The following DIP2C variants were observed in gnomAD, a reference collection of about 807,000 sequenced individuals.
The protein encoded by DIP2C is disco-interacting protein 2 homolog C.
DIP2C carries 33 observed loss-of-function variants against 192.4 expected under a neutral mutation model. That is an observed-to-expected ratio of 0.17 (90% CI 0.13 to 0.23). The LOEUF is 0.23. Among genes scored for constraint, DIP2C ranks in the 10% least tolerant of loss-of-function variants. The pLI, the probability that DIP2C is intolerant of heterozygous loss-of-function variation, is 1.00. For synonymous variants in DIP2C, 979 were observed against 864.1 expected, an observed-to-expected ratio of 1.13 and a Z score of -2.33; for missense variants, 1,537 against 2,110.1, an observed-to-expected ratio of 0.73 and a Z score of 5.32.
At chr10:394,078 T>C (rs1451401438) in intron 10 of DIP2C, among the ~76,000 whole-genome samples, 1 of 152,246 alleles carries the variant, frequency 6.6e-6, no homozygotes, top group Non-Finnish European at 1.5e-5. Flanking sequence ...CCAAAGGAAC[T>C]GAAATTGATC....
At chr10:362,072 A>G (rs2132718670) in intron 22 of DIP2C, among the ~76,000 whole-genome samples, 1 of 151,796 alleles carries the variant, frequency 6.6e-6, no homozygotes, top group African/African-American at 2.4e-5. Flanking sequence ...GGGGGAAAAA[A>G]AAAAGAAATG....
At chr10:686,388 G>GTCAT in intron 1 of DIP2C, among the ~76,000 whole-genome samples, 1 of 148,070 alleles carries the variant, frequency 6.8e-6, no homozygotes, top group Admixed American at 6.7e-5. Flanking sequence ...CTCACCCGAG[G>GTCAT]GGCCTCCGCA....
At chr10:390,183 G>A in intron 12 of DIP2C, 81 bp downstream of exon 12, 1 of 1,584,968 alleles carries the variant, frequency 6.3e-7, no homozygotes, top group East Asian at 2.2e-5. Flanking sequence ...CCTGAATTTT[G>A]GCACTCGTGT....
At chr10:383,207 AT>A (rs1192621592) in intron 16 of DIP2C, among the ~76,000 whole-genome samples, 1 of 152,266 alleles carries the variant, frequency 6.6e-6, no homozygotes, top group African/African-American at 2.4e-5. Flanking sequence ...TTTTGTACTT[AT>A]GGGTTAAAAC....
At chr10:421,687 A>G (rs1966192423) in intron 5 of DIP2C, among the ~76,000 whole-genome samples, 1 of 152,204 alleles carries the variant, frequency 6.6e-6, no homozygotes, top group African/African-American at 2.4e-5. Flanking sequence ...TTTACAGAGT[A>G]TTTCTATTTT....
intron 1 of DIP2C, among the ~76,000 whole-genome samples, chr10:580,991 G>GAC (rs1312428265): frequency 2.6e-5 from 4 of 152,182 alleles, no homozygotes; most frequent in Non-Finnish European, 5.9e-5. Context: ...ATCGAGTTCT[G>GAC]ACAATTTGAC....
At position 689,556 on chromosome 10, in the gene DIP2C, C is replaced by T. The variant is rs761909966; in HGVS notation, c.23G>A (p.Gly8Asp). The change falls in exon 1 of 37, where the codon GGC becomes GAC. Residue 8 changes from glycine to aspartate, a missense_variant. Transcript: ENST00000280886. This position sits in a 1 kb window ranked among gnomAD's most constrained non-coding sequence, Gnocchi z 6.1. ...CCGCACCTCCAGGGGCAGCGCCATG[C>T]CCTCCAGGCTGCGGTCCGCCATGCT... is the stretch of plus-strand genomic sequence containing the variant. The part of the protein sequence containing the change: MADRSLE[G>D]MALPLEVRAR... The T allele has an allele frequency of 7.9e-7, 1 of 1,265,988 alleles. No homozygotes were observed. Among genetic ancestry groups the T allele is most frequent in the Non-Finnish European group, 1.0e-6 (1 of 989,564 alleles). The allele number at this position is 1,265,988 out of a possible 1,614,324, so 78.4% of individuals were successfully genotyped here.
chr10:570,103 C>G (rs989459521), intron 1 of DIP2C, among the ~76,000 whole-genome samples: 1 of 152,158 alleles, frequency 6.6e-6, no homozygotes, highest in Non-Finnish European at 1.5e-5. Flanking sequence ...CAAAGGCTTT[C>G]AGAGATAGTC....
chr10:416,040 G>A (rs1354808676), intron 6 of DIP2C, 152 bp from the exon 7 acceptor site: 1 of 1,166,672 alleles, frequency 8.6e-7, no homozygotes. Context: ...TGATCATGCT[G>A]TACGGTAGCC....
intron 15 of DIP2C, among the ~76,000 whole-genome samples, 196 bp from the exon 16 acceptor site, chr10:384,342 T>G (rs1420773717): frequency 2.0e-5 from 3 of 149,218 alleles, no homozygotes; most frequent in Admixed American, 6.7e-5. Flanking sequence ...GGGTTCAAGA[T>G]TTCTCCTGCC....
chr10:507,218 C>T (rs1845662912), intron 1 of DIP2C, among the ~76,000 whole-genome samples: 2 of 151,974 alleles, frequency 1.3e-5, no homozygotes, highest in African/African-American at 4.8e-5. Flanking sequence ...GGGACCTGGT[C>T]ACCCGCTGTG....
In DIP2C at chr10:419,166, T is replaced by C. The variant is rs769923606; in HGVS notation, c.638A>G (p.Tyr213Cys). 20 of 1,614,140 alleles carry C rather than the reference T, an allele frequency of 1.2e-5. No homozygotes were observed. Among genetic ancestry groups the C allele is most frequent in the African/African-American group, 2.7e-5 (2 of 74,956 alleles). ...CACCTGTATCGAGTGCTCTGAGGTG[T>C]ACGTGGTTACGTCAGGAGGTGCAGA... ...NHSAPPDVTT[Y>C]TSEHSIQVER... The change falls in exon 6 of 37, where the codon TAC (tyrosine) becomes TGC (cysteine). Residue 213 changes from tyrosine (Y) to cysteine (C), a missense_variant. Physicochemically the swap from Tyr to Cys is radical, Grantham distance 194. Transcript: ENST00000280886.
At chr10:297,155 C>T (rs1488456016) in intron 32 of DIP2C, among the ~76,000 whole-genome samples, 2 of 151,820 alleles carry the variant, frequency 1.3e-5, no homozygotes, top group Non-Finnish European at 2.9e-5. Context: ...GATCATGCCA[C>T]TGCACTCCAG....
intron 1 of DIP2C, among the ~76,000 whole-genome samples, chr10:549,014 CG>C (rs1564839543): frequency 6.7e-6 from 1 of 149,428 alleles, no homozygotes; most frequent in African/African-American, 2.5e-5. Context: ...CCCACCCTAA[CG>C]TGAATGGGGG....
intron 7 of DIP2C, among the ~76,000 whole-genome samples, chr10:414,350 C>G (rs979779959): frequency 1.3e-5 from 2 of 152,146 alleles, no homozygotes; most frequent in East Asian, 3.9e-4. Context: ...GACCTGCACA[C>G]AGCTGCAAAC....
chr10:390,135 C>T (rs1243078134), intron 12 of DIP2C, 42 bp from the exon 13 acceptor site: 6 of 1,599,820 alleles, frequency 3.8e-6, no homozygotes, highest in Non-Finnish European at 5.1e-6. Flanking sequence ...GCTGACAGGT[C>T]ACGGCAGTTT....
intron 1 of DIP2C, among the ~76,000 whole-genome samples, chr10:575,855 C>T (rs935979867): frequency 1.6e-4 from 25 of 152,194 alleles, no homozygotes; most frequent in Non-Finnish European, 3.4e-4. Flanking sequence ...TTTTCAGAAA[C>T]GTGCAACAAT....
At chr10:638,400 G>A (rs1454932925) in intron 1 of DIP2C, among the ~76,000 whole-genome samples, 1 of 152,166 alleles carries the variant, frequency 6.6e-6, no homozygotes, top group Admixed American at 6.5e-5. Flanking sequence ...GCTCCTTCGT[G>A]CTGACAGCAG....
intron 1 of DIP2C, among the ~76,000 whole-genome samples, chr10:520,903 T>C (rs1846664263): frequency 6.6e-6 from 1 of 152,252 alleles, no homozygotes; most frequent in South Asian, 2.1e-4. Flanking sequence ...TTTAAAGTCA[T>C]ACACTGTTGG....
Sources: allele counts gnomAD v4.1 joint callset (sites outside exome capture counted in the v4.1 genomes callset), GRCh38; gene constraint gnomAD v4.1.1; non-coding constraint Gnocchi (gnomAD v3.1); transcripts MANE v1.5; gene names NCBI Gene and HGNC (gene_info 2026-07-23, HGNC 2026-07-21).